The following SGF29 variants were observed in gnomAD, a reference collection of about 807,000 sequenced individuals.
The protein encoded by SGF29 is SAGA-associated factor 29.
A neutral mutation model predicts 38.1 loss-of-function variants in SGF29; 15 were observed. The ratio of observed to expected loss-of-function variants is 0.39; its 90% confidence interval spans 0.26 to 0.61. The LOEUF is 0.61. Among genes scored for constraint, SGF29 ranks in the 20% least tolerant of loss-of-function variants. The pLI is 0.49. For synonymous variants in SGF29, 151 were observed against 160.8 expected, an observed-to-expected ratio of 0.94 and a Z score of 0.46; for missense variants, 184 against 394.6, an observed-to-expected ratio of 0.47 and a Z score of 4.52.
chr16:28,580,209 G>A (rs9924471), intron 1 of SGF29, among the ~76,000 whole-genome samples: 24,875 of 151,990 alleles, frequency 0.16, 2,056 homozygotes, highest in Middle Eastern at 0.22. Flanking sequence ...CCTTGACTTC[G>A]TCGAACATAT....
intron 1 of SGF29, among the ~76,000 whole-genome samples, chr16:28,564,423 A>C (rs769577136): frequency 3.3e-5 from 5 of 150,428 alleles, no homozygotes; most frequent in Non-Finnish European, 7.4e-5. Flanking sequence ...AGGAGGCGGC[A>C]ACAAACCAGA....
At chr16:28,584,527 C>T (rs988477013) in intron 2 of SGF29, among the ~76,000 whole-genome samples, 4 of 150,900 alleles carry the variant, frequency 2.7e-5, no homozygotes, top group Non-Finnish European at 2.9e-5. Flanking sequence ...CATTGGCTTA[C>T]GCCTGTAATC....
chr16:28,585,149 C>T (rs912506693), intron 3 of SGF29, 161 bp downstream of exon 3: 53 of 592,678 alleles, frequency 8.9e-5, no homozygotes, highest in African/African-American at 8.8e-4. Flanking sequence ...TCTGGGTGAC[C>T]TGAAGAACTA....
chr16:28,565,239 G>T (rs955113205), intron 1 of SGF29, among the ~76,000 whole-genome samples: 4 of 152,130 alleles, frequency 2.6e-5, no homozygotes, highest in African/African-American at 9.7e-5. Context: ...ACTGACAAAT[G>T]TCAGCCTCTT....
intron 1 of SGF29, among the ~76,000 whole-genome samples, chr16:28,560,758 G>A (rs997255907): frequency 4.6e-5 from 7 of 151,918 alleles, no homozygotes; most frequent in South Asian, 4.2e-4. Flanking sequence ...TCAGCAGATC[G>A]AGACCATCCT....
intron 1 of SGF29, among the ~76,000 whole-genome samples, chr16:28,564,555 A>ATATATATATATACGTATATATATACACG (rs2046812510): frequency 2.3e-5 from 3 of 132,242 alleles, no homozygotes; most frequent in African/African-American, 8.7e-5. Context: ...ATATACGTAT[A>ATATATATATATACGTATATATATACACG]TATATATATA....
chr16:28,583,751 C>T (rs2046939657), intron 2 of SGF29, among the ~76,000 whole-genome samples: 1 of 152,148 alleles, frequency 6.6e-6, no homozygotes, highest in Admixed American at 6.5e-5. Context: ...TTCTGTTGAT[C>T]TATATGCCAG....
intron 4 of SGF29, 92 bp from the exon 5 acceptor site, chr16:28,589,008 A>G (rs2046971186): frequency 7.3e-7 from 1 of 1,365,540 alleles, no homozygotes; most frequent in East Asian, 2.3e-5. Context: ...CAGCCTGGGC[A>G]ATGTAGCTTG....
chr16:28,583,660 C>T (rs1248382742), intron 2 of SGF29, among the ~76,000 whole-genome samples: 1 of 152,198 alleles, frequency 6.6e-6, no homozygotes, highest in Admixed American at 6.5e-5. Flanking sequence ...GGAGGAATTG[C>T]ACCAGCATTC....
intron 1 of SGF29, among the ~76,000 whole-genome samples, chr16:28,563,434 T>C (rs1404269028): frequency 6.6e-6 from 1 of 152,160 alleles, no homozygotes; most frequent in Non-Finnish European, 1.5e-5. Context: ...GGCACAGTGA[T>C]CTTCCAGACC....
rs144632937 is a variant in SGF29, at chr16:28,562,826, C to T, written c.-16+8729C>T. Among the ~76,000 whole-genome samples the T allele has an allele frequency of 1.4e-3, 215 of 148,316 alleles. 1 individual carries two copies. Among genetic ancestry groups the T allele is most frequent in the East Asian group, 6.2e-3 (31 of 5,000 alleles). On this transcript the variant is annotated intron_variant, in intron 1 of 9. Coordinates refer to ENST00000317058, the MANE Select transcript of SGF29 (RefSeq NM_138414.3). ...GGCTGAGGTGGGAGGATCACTTGAG[C>T]CTGGGAGGTGCAGGCTACAGGGAGC... is the stretch of plus-strand genomic sequence containing the variant.
chr16:28,590,469 T>G lies in SGF29; in HGVS notation c.566+27T>G. On this transcript the variant is annotated intron_variant, in intron 7 of 9. Coordinates refer to ENST00000317058, the MANE Select transcript of SGF29 (RefSeq NM_138414.3). This position sits in a 1 kb window ranked among gnomAD's most constrained non-coding sequence, Gnocchi z 8.2. ...TGAGTGACACCAACCCTGGGGCTGC[T>G]CTCTGGTCACCGAACTTGCCTGGGC... is the stretch of plus-strand genomic sequence containing the variant. 6.2e-7 allele frequency: 1 copy of G among 1,613,856 alleles called. No homozygotes were observed. Among genetic ancestry groups the G allele is most frequent in the East Asian group, 2.2e-5 (1 of 44,878 alleles).
intron 1 of SGF29, among the ~76,000 whole-genome samples, chr16:28,556,831 A>G (rs905784603): frequency 6.6e-6 from 1 of 151,998 alleles, no homozygotes; most frequent in African/African-American, 2.4e-5. Context: ...TTGTTTTTGT[A>G]GAGACAGGGC....
At chr16:28,568,645 T>TG (rs2046847597) in intron 1 of SGF29, among the ~76,000 whole-genome samples, 1 of 152,052 alleles carries the variant, frequency 6.6e-6, no homozygotes, top group Non-Finnish European at 1.5e-5. Flanking sequence ...CCAGGAGCAG[T>TG]GGCTCACGCC....
At chr16:28,574,632 C>T (rs991426605) in intron 1 of SGF29, among the ~76,000 whole-genome samples, 3 of 152,214 alleles carry the variant, frequency 2.0e-5, no homozygotes, top group Non-Finnish European at 2.9e-5. Flanking sequence ...GCCAGGATTC[C>T]TGCTTTAGCA....
chr16:28,554,361 A>AC (rs1466603677), intron 1 of SGF29, among the ~76,000 whole-genome samples: 4 of 151,984 alleles, frequency 2.6e-5, no homozygotes, highest in African/African-American at 9.7e-5. Flanking sequence ...AGGGTGGGAA[A>AC]CAGCGACACG....
At chr16:28,575,987 A>G (rs150283667) in intron 1 of SGF29, among the ~76,000 whole-genome samples, 100 of 152,332 alleles carry the variant, frequency 6.6e-4, no homozygotes, top group Non-Finnish European at 1.3e-3. Context: ...TCTGCCAAAA[A>G]TAAAAATGAC....
At chr16:28,588,961 G>T (rs17639997) in intron 4 of SGF29, 139 bp from the exon 5 acceptor site, 57,464 of 825,906 alleles carry the variant, frequency 0.07, 2,474 homozygotes, top group Middle Eastern at 0.14. Flanking sequence ...TTCCACCTGC[G>T]CAGGAGGCTA....
At chr16:28,571,237 C>T (rs141985298) in intron 1 of SGF29, among the ~76,000 whole-genome samples, 57 of 152,170 alleles carry the variant, frequency 3.7e-4, no homozygotes, top group South Asian at 2.5e-3. Flanking sequence ...AAGCGGAGAG[C>T]GATGCCGAAT....
Sources: gnomAD v4.1 joint callset for allele counts (sites outside exome capture counted in the v4.1 genomes callset) on GRCh38, gnomAD v4.1.1 for gene constraint, Gnocchi (gnomAD v3.1) non-coding constraint, MANE v1.5 for transcripts, NCBI Gene and HGNC (gene_info 2026-07-23, HGNC 2026-07-21) for gene names.